Variants in RANBP3L observed in about 807,000 individuals in gnomAD.
RANBP3L encodes ran-binding protein 3-like.
Under a neutral mutation model 67.2 loss-of-function variants are expected in RANBP3L, and 56 were observed. That is an observed-to-expected ratio of 0.83 (90% CI 0.67 to 1.04). The LOEUF (loss-of-function observed/expected upper bound fraction) is 1.04, where lower values mean the gene tolerates loss of function less well. RANBP3L is among the 50% of genes least tolerant of loss of function. The pLI, the probability that RANBP3L is intolerant of heterozygous loss-of-function variation, is 0.00. For synonymous variants in RANBP3L, 164 were observed against 181.4 expected, an observed-to-expected ratio of 0.90 and a Z score of 0.77; for missense variants, 496 against 535.5, an observed-to-expected ratio of 0.93 and a Z score of 0.73.
chr5:36,282,686 G>A (rs974722448), intron 1 of RANBP3L, among the ~76,000 whole-genome samples: 1 of 152,100 alleles, frequency 6.6e-6, no homozygotes, highest in African/African-American at 2.4e-5. Flanking sequence ...GTTATTCCAC[G>A]GAGAACAAGT....
intron 7 of RANBP3L, 134 bp downstream of exon 7, chr5:36,261,805 A>G (rs999559628): frequency 2.0e-6 from 1 of 495,346 alleles, no homozygotes; most frequent in East Asian, 3.0e-5. Context: ...TGTGTTTCCT[A>G]TAAAATCTCC....
intron 6 of RANBP3L, among the ~76,000 whole-genome samples, chr5:36,264,382 T>A (rs1749607260): frequency 6.6e-6 from 1 of 152,188 alleles, no homozygotes; most frequent in African/African-American, 2.4e-5. Context: ...CAAACCCATA[T>A]CTGCACGGCT....
At chr5:36,277,440 A>ATGTGTGTGTGTG (rs149996886) in intron 1 of RANBP3L, among the ~76,000 whole-genome samples, 1 of 114,988 alleles carries the variant, frequency 8.7e-6, no homozygotes, top group African/African-American at 3.5e-5. Context: ...ATATATATAT[A>ATGTGTGTGTGTG]TGTGTGTGTG....
chr5:36,267,663 G>A (rs768823310), intron 4 of RANBP3L, among the ~76,000 whole-genome samples: 2 of 152,152 alleles, frequency 1.3e-5, no homozygotes, highest in Admixed American at 6.5e-5. Flanking sequence ...ATAAAAACAT[G>A]AGAATAGAGA....
chr5:36,259,985 C>G (rs1300363058), intron 8 of RANBP3L, among the ~76,000 whole-genome samples: 1 of 152,046 alleles, frequency 6.6e-6, no homozygotes, highest in Non-Finnish European at 1.5e-5. Flanking sequence ...AAGTAAAGCA[C>G]TATGAATTTT....
At chr5:36,284,065 C>T (rs1197777059) in intron 1 of RANBP3L, among the ~76,000 whole-genome samples, 4 of 152,012 alleles carry the variant, frequency 2.6e-5, no homozygotes, top group African/African-American at 9.7e-5. Context: ...CTCACCACAA[C>T]CTCCACCTCC....
chr5:36,289,927 A>C (rs777257867), intron 1 of RANBP3L, among the ~76,000 whole-genome samples: 5 of 152,198 alleles, frequency 3.3e-5, no homozygotes, highest in Non-Finnish European at 5.9e-5. Flanking sequence ...GTTGAATAGA[A>C]GTGATGATAA....
Position 36,301,512 on chromosome 5 carries a change from A to T in RANBP3L, c.-96T>A. 1.2e-6 allele frequency: 1 copy of T among 821,046 alleles called. No individual in the cohort carries two copies. The highest frequency in any genetic ancestry group is 1.4e-5 in the South Asian group (1 of 71,200). 50.9% of individuals were successfully genotyped at this position (821,046 alleles called of 1,614,324 possible). A position where few individuals can be genotyped will look rare whatever the true frequency, so the allele number is the denominator to read the frequency against. On this transcript the variant is annotated 5_prime_UTR_variant, in exon 1 of 14. An upstream start codon of the reference 5' UTR is lost. Transcript: ENST00000296604. ...GCCTTCACCAGACACCCAGAAATAC[A>T]TAGATTCATGCAGATCTTGTCTTTG...
At chr5:36,262,573 A>G (rs73081945) in intron 6 of RANBP3L, among the ~76,000 whole-genome samples, 11,984 of 152,084 alleles carry the variant, frequency 0.079, 1,624 homozygotes, top group African/African-American at 0.27. Flanking sequence ...GAATTAATAT[A>G]TAAATGTAAG....
At chr5:36,279,071 A>AG (rs1201033606) in intron 1 of RANBP3L, among the ~76,000 whole-genome samples, 8 of 152,214 alleles carry the variant, frequency 5.3e-5, no homozygotes, top group Non-Finnish European at 7.3e-5. Flanking sequence ...CATTATCTGC[A>AG]GAAAAAAAAT....
chr5:36,295,723 T>C (rs1222695953), intron 1 of RANBP3L, among the ~76,000 whole-genome samples: 3 of 146,478 alleles, frequency 2.0e-5, no homozygotes, highest in Non-Finnish European at 3.0e-5. Flanking sequence ...ATTTGTGAAG[T>C]GGGAAAATGA....
intron 1 of RANBP3L, among the ~76,000 whole-genome samples, chr5:36,272,081 T>G (rs542055525): frequency 6.6e-6 from 1 of 152,076 alleles, no homozygotes; most frequent in African/African-American, 2.4e-5. Flanking sequence ...ACTAATTGAC[T>G]AACTACTTTG....
intron 2 of RANBP3L, 90 bp from the exon 3 acceptor site, chr5:36,270,080 G>T (rs1579720725): frequency 1.8e-6 from 2 of 1,140,292 alleles, no homozygotes; most frequent in African/African-American, 1.5e-5. Flanking sequence ...GCAATTAAAA[G>T]TAATGGCAAA....
At chr5:36,269,842 AG>A (rs1750083464) in intron 3 of RANBP3L, 108 bp downstream of exon 3, 2 of 955,036 alleles carry the variant, frequency 2.1e-6, no homozygotes, top group African/African-American at 3.3e-5. Flanking sequence ...ATTTAAAAAA[AG>A]AAAAAACATT....
chr5:36,251,548 A>G, intron 12 of RANBP3L, 49 bp from the exon 13 acceptor site: 1 of 1,431,382 alleles, frequency 7.0e-7, no homozygotes, highest in Admixed American at 2.0e-5. Flanking sequence ...TATGTTAGCT[A>G]CATTTTACAG....
chr5:36,275,702 A>C (rs921274682), intron 1 of RANBP3L, among the ~76,000 whole-genome samples: 1 of 152,228 alleles, frequency 6.6e-6, no homozygotes, highest in African/African-American at 2.4e-5. Context: ...GGGAGGCAGA[A>C]GGACAAGTGG....
chr5:36,269,808 A>G (rs1442247618), intron 3 of RANBP3L, 143 bp downstream of exon 3: 2 of 765,036 alleles, frequency 2.6e-6, no homozygotes, highest in Non-Finnish European at 2.3e-6. Context: ...TCATCTTTCA[A>G]AACAAAAGTG....
Position 36,256,934 on chromosome 5 carries a change from TAC to T in RANBP3L, c.903+5_903+6del. ...CTACCAGAAAGAGTAAAACATGATA[TAC>T]AGACCTTTAACACATTATGTTCTGT... is the stretch of plus-strand genomic sequence containing the variant. On this transcript the variant is annotated splice_donor_5th_base_variant and intron_variant, in intron 10 of 13. Transcript: ENST00000296604. 1 of 1,611,212 alleles carries T rather than the reference TAC, an allele frequency of 6.2e-7. No homozygotes were observed. Among genetic ancestry groups the T allele is most frequent in the East Asian group, 2.2e-5 (1 of 44,724 alleles).
chr5:36,268,248 C>T (rs1749950972), intron 4 of RANBP3L: 2 of 1,535,566 alleles, frequency 1.3e-6, no homozygotes, highest in African/African-American at 2.8e-5. Flanking sequence ...ATCTCATTTG[C>T]TTCTGAGACA....
Sources: gnomAD v4.1 joint callset for allele counts (sites outside exome capture counted in the v4.1 genomes callset) on GRCh38, gnomAD v4.1.1 for gene constraint, MANE v1.5 for transcripts, NCBI Gene and HGNC (gene_info 2026-07-23, HGNC 2026-07-21) for gene names.